PCDH9: variants seen among roughly 807,000 people sequenced by gnomAD.
The protein encoded by PCDH9 is protocadherin 9.
A neutral mutation model predicts 70.6 loss-of-function variants in PCDH9; 24 were observed. The observed-to-expected ratio is 0.34, with a 90% CI of 0.25 to 0.48. The LOEUF is 0.48. PCDH9 is among the 20% of genes least tolerant of loss of function. The pLI is 0.99. For synonymous variants in PCDH9, 562 were observed against 558.5 expected (o/e 1.01, Z -0.09); for missense variants, 1,281 against 1,503.6 (o/e 0.85, Z 2.45).
intron 4 of PCDH9, among the ~76,000 whole-genome samples, chr13:66,471,720 T>C (rs1036204523): frequency 1.3e-5 from 2 of 152,150 alleles, no homozygotes; most frequent in African/African-American, 2.4e-5. Context: ...CAAATTTCCA[T>C]AGCAAGTAAA....
chr13:66,593,587 A>G (rs2138823232), intron 4 of PCDH9, among the ~76,000 whole-genome samples: 1 of 151,828 alleles, frequency 6.6e-6, no homozygotes, highest in Non-Finnish European at 1.5e-5. Flanking sequence ...TTTTTCTTAT[A>G]GGAGAAAAAT....
At chr13:66,575,798 G>C (rs1233706566) in intron 4 of PCDH9, among the ~76,000 whole-genome samples, 1 of 151,732 alleles carries the variant, frequency 6.6e-6, no homozygotes, top group Non-Finnish European at 1.5e-5. Flanking sequence ...ATTTTTTCTT[G>C]AATGAATATA....
Position 66,440,244 on chromosome 13 carries a change from G to A in PCDH9, c.3341-135216C>T, listed in dbSNP as rs9317589. On this transcript the variant is annotated intron_variant, in intron 4 of 4. Transcript: ENST00000377865. ...AACATTTTGCACTTTTATCATAAAG[G>A]AGTGTCTCAGATAATTTTCCTTACA... Among the ~76,000 whole-genome samples, 926 of 152,232 alleles carry A rather than the reference G, an allele frequency of 6.1e-3. 4 individuals carry two copies. Among genetic ancestry groups the A allele is most frequent in the Non-Finnish European group, 8.8e-3 (595 of 68,000 alleles).
At position 66,753,185 on chromosome 13, in the gene PCDH9, C is replaced by T. The variant is rs376109677; in HGVS notation, c.3139-121774G>A. Among the ~76,000 whole-genome samples the T allele has an allele frequency of 6.6e-5, 10 of 152,028 alleles. No individual in the cohort carries two copies. The East Asian group carries it at 1.5e-3, about 24-fold the overall frequency. ...ATATTTGTCATTTACTTAGAAGTAC[C>T]GTAAGTTTTTGCCTTAAACATTTTC... On this transcript the variant is annotated intron_variant, in intron 3 of 4. Coordinates refer to ENST00000377865, the MANE Select transcript of PCDH9 (RefSeq NM_203487.3).
chr13:66,672,058 C>A (rs1185110575), intron 3 of PCDH9, among the ~76,000 whole-genome samples: 1 of 152,154 alleles, frequency 6.6e-6, no homozygotes, highest in East Asian at 1.9e-4. Flanking sequence ...GTTTCATGAG[C>A]TGGGTCCAAA....
At chr13:67,055,189 T>C (rs926991884) in intron 2 of PCDH9, among the ~76,000 whole-genome samples, 23 of 152,324 alleles carry the variant, frequency 1.5e-4, no homozygotes, top group African/African-American at 4.8e-4. Flanking sequence ...ATTATTCTTA[T>C]TTGCTATGTG....
intron 3 of PCDH9, among the ~76,000 whole-genome samples, chr13:66,893,740 G>A (rs1431088818): frequency 5.9e-5 from 9 of 152,066 alleles, no homozygotes; most frequent in Non-Finnish European, 4.4e-5. Flanking sequence ...TATGCTATAT[G>A]AGATGCACTC....
rs571653224 is a variant in PCDH9 at position 66,578,982 on chromosome 13, T to C, written c.3340+52228A>G. 2.0e-5 allele frequency among the ~76,000 whole-genome samples: 3 copies of C among 152,152 alleles called. No homozygotes were observed. The East Asian group carries it at 5.8e-4, about 30-fold the overall frequency. ...ACTTGCAATTCCATCATTGACCCTA[T>C]TGGAGACACACAATGTGGGCCTTTG... On this transcript the variant is annotated intron_variant, in intron 4 of 4. Transcript: ENST00000377865.
chr13:66,831,097 A>T (rs1341547594), intron 3 of PCDH9, among the ~76,000 whole-genome samples: 1 of 152,182 alleles, frequency 6.6e-6, no homozygotes, highest in Non-Finnish European at 1.5e-5. Context: ...AGTTATAGAG[A>T]ATCAGGCTCT....
chr13:67,136,482 G>A (rs1337181994), intron 2 of PCDH9, among the ~76,000 whole-genome samples: 1 of 152,096 alleles, frequency 6.6e-6, no homozygotes, highest in Non-Finnish European at 1.5e-5. Context: ...GTCTAGACCT[G>A]CAGGTGGTCC....
rs915444098 is a variant in PCDH9 at position 67,018,685 on chromosome 13, A to T, written c.3037-115080T>A. Among the ~76,000 whole-genome samples, 6 of 152,158 alleles carry T rather than the reference A, an allele frequency of 3.9e-5. No individual in the cohort carries two copies. In the East Asian group the frequency reaches 1.2e-3, roughly 29 times the overall value. ...AATAATGAGTTACTAAATTAAACAA[A>T]TTCTCTGACGAGGCTCCCAGAAAGA... On this transcript the variant is annotated intron_variant, in intron 2 of 4. Coordinates refer to ENST00000377865, the MANE Select transcript of PCDH9 (RefSeq NM_203487.3).
At chr13:67,115,975 G>C (rs1336306399) in intron 2 of PCDH9, among the ~76,000 whole-genome samples, 1 of 152,120 alleles carries the variant, frequency 6.6e-6, no homozygotes, top group Non-Finnish European at 1.5e-5. Context: ...GCCCAGTTTT[G>C]AATCCAGATG....
At chr13:66,811,617 AACCTGCCTTCCTGCCTGC>A (rs1326983361) in intron 3 of PCDH9, among the ~76,000 whole-genome samples, 4 of 127,726 alleles carry the variant, frequency 3.1e-5, no homozygotes, top group African/African-American at 1.3e-4. Flanking sequence ...CTGCCTGCCT[AACCTGCCTTCCTGCCTGC>A]CTAACCTGCC....
chr13:66,306,275 A>G (rs1393835208), intron 4 of PCDH9: 1 of 151,914 alleles, frequency 6.6e-6, no homozygotes, highest in South Asian at 2.1e-4. Flanking sequence ...TAAACGTCCA[A>G]TAATTGTGAG....
intron 4 of PCDH9, among the ~76,000 whole-genome samples, chr13:66,570,018 T>C (rs761231886): frequency 2.2e-4 from 33 of 152,244 alleles, no homozygotes; most frequent in Middle Eastern, 3.4e-3. Flanking sequence ...AGTCCAAATG[T>C]CTTTCAACAA....
At chr13:66,663,192 T>G (rs1005075131) in intron 3 of PCDH9, among the ~76,000 whole-genome samples, 2 of 152,210 alleles carry the variant, frequency 1.3e-5, no homozygotes, top group Non-Finnish European at 2.9e-5. Flanking sequence ...CAAGTGTTTT[T>G]GGGAAGATTT....
At chr13:66,810,214 C>G (rs142731153) in intron 3 of PCDH9, among the ~76,000 whole-genome samples, 70 of 152,078 alleles carry the variant, frequency 4.6e-4, no homozygotes, top group South Asian at 1.7e-3. Context: ...GGCTTAGAAT[C>G]CTTTTTTATG....
At chr13:67,197,259 C>G (rs947760319) in intron 2 of PCDH9, among the ~76,000 whole-genome samples, 2 of 151,992 alleles carry the variant, frequency 1.3e-5, no homozygotes, top group South Asian at 4.1e-4. Context: ...GTGATCAATG[C>G]ATTCATTCCT....
intron 4 of PCDH9, among the ~76,000 whole-genome samples, chr13:66,327,897 T>C (rs1457871381): frequency 1.3e-5 from 2 of 152,208 alleles, no homozygotes; most frequent in Non-Finnish European, 2.9e-5. Flanking sequence ...ACTTATTTTG[T>C]TTATTCCTGC....
Sources: gnomAD v4.1 joint callset for allele counts (sites outside exome capture counted in the v4.1 genomes callset) on GRCh38, gnomAD v4.1.1 for gene constraint, MANE v1.5 for transcripts, NCBI Gene and HGNC (gene_info 2026-07-23, HGNC 2026-07-21) for gene names.